ALOX5AP: variants seen among roughly 807,000 people sequenced by gnomAD.
The protein encoded by ALOX5AP is arachidonate 5-lipoxygenase-activating protein.
A neutral mutation model predicts 18.5 loss-of-function variants in ALOX5AP; 9 were observed. That is an observed-to-expected ratio of 0.49 (90% confidence interval 0.29 to 0.85). The LOEUF (loss-of-function observed/expected upper bound fraction) is 0.85. ALOX5AP is among the 40% of genes least tolerant of loss of function. The pLI is 0.08. For missense variants in ALOX5AP, 172 were observed against 202.5 expected, an observed-to-expected ratio of 0.85 and a Z score of 0.91; for synonymous variants, 81 against 78.6, an observed-to-expected ratio of 1.03 and a Z score of -0.16.
At chr13:30,713,489 G>T in exon 1 of ALOX5AP, 2 of 494,962 alleles carry the variant, frequency 4.0e-6, no homozygotes, top group Non-Finnish European at 3.6e-6. Context: ...CCTATTATCT[G>T]GGCATTTGGA....
chr13:30,761,998 A>G (rs1951945681), intron 4 of ALOX5AP, among the ~76,000 whole-genome samples: 1 of 152,202 alleles, frequency 6.6e-6, no homozygotes, highest in Non-Finnish European at 1.5e-5. Context: ...TTAAGGAGCT[A>G]GTTAGGATGT....
At chr13:30,720,417 C>CT in intron 1 of ALOX5AP, among the ~76,000 whole-genome samples, 1 of 152,282 alleles carries the variant, frequency 6.6e-6, no homozygotes, top group East Asian at 1.9e-4. Context: ...TTTAAATAGA[C>CT]TTAATACAAC....
At chr13:30,736,624 C>A (rs1345405066) in intron 1 of ALOX5AP, among the ~76,000 whole-genome samples, 2 of 152,162 alleles carry the variant, frequency 1.3e-5, no homozygotes, top group Non-Finnish European at 2.9e-5. Flanking sequence ...ATTCTATTTT[C>A]CCCCATCTTG....
chr13:30,753,826 T>C (rs982121462), intron 3 of ALOX5AP, among the ~76,000 whole-genome samples: 7 of 152,202 alleles, frequency 4.6e-5, no homozygotes, highest in Admixed American at 1.3e-4. Context: ...TCATGTTCAA[T>C]TGGGTTCCCA....
intron 2 of ALOX5AP, among the ~76,000 whole-genome samples, chr13:30,747,236 G>A (rs1951816461): frequency 6.6e-6 from 1 of 152,230 alleles, no homozygotes; most frequent in Admixed American, 6.5e-5. Context: ...GAGTGCAGTG[G>A]CACGATCTTG....
At chr13:30,758,016 C>T (rs1164904470) in intron 4 of ALOX5AP, among the ~76,000 whole-genome samples, 3 of 152,236 alleles carry the variant, frequency 2.0e-5, no homozygotes, top group South Asian at 2.1e-4. Flanking sequence ...CCCCTCTGGC[C>T]GTGGTAGGCA....
At chr13:30,754,613 G>A (rs993295472) in intron 3 of ALOX5AP, among the ~76,000 whole-genome samples, 7 of 152,210 alleles carry the variant, frequency 4.6e-5, no homozygotes, top group Non-Finnish European at 7.3e-5. Context: ...CATCTGAAGC[G>A]CAATAAATGT....
At chr13:30,729,472 A>G (rs1451279323) in intron 1 of ALOX5AP, among the ~76,000 whole-genome samples, 1 of 152,140 alleles carries the variant, frequency 6.6e-6, no homozygotes, top group East Asian at 1.9e-4. Context: ...TTAGAACTGA[A>G]TGTTCCCAAG....
intron 1 of ALOX5AP, 79 bp downstream of exon 1, chr13:30,735,754 A>T: frequency 6.5e-7 from 1 of 1,537,934 alleles, no homozygotes; most frequent in South Asian, 1.1e-5. Flanking sequence ...GGCTTAAACA[A>T]TTGTGTCTGT....
At chr13:30,734,300 C>T (rs995255374), upstream of ALOX5AP, among the ~76,000 whole-genome samples, 5 of 152,128 alleles carry the variant, frequency 3.3e-5, no homozygotes, top group East Asian at 1.9e-4. Flanking sequence ...TCAGCTGAAC[C>T]GAGGGCATTG....
chr13:30,754,100 G>A (rs1368727392), intron 3 of ALOX5AP, among the ~76,000 whole-genome samples: 6 of 152,214 alleles, frequency 3.9e-5, no homozygotes, highest in East Asian at 3.9e-4. Context: ...TTAGCTGGGC[G>A]TGGTGGTGCA....
intron 1 of ALOX5AP, among the ~76,000 whole-genome samples, chr13:30,716,383 T>A (rs1951550370): frequency 1.3e-5 from 2 of 152,192 alleles, no homozygotes; most frequent in South Asian, 4.1e-4. Flanking sequence ...TGATGTAAGA[T>A]CTTCTTACTC....
chr13:30,730,878 C>T (rs549837531), upstream of ALOX5AP, among the ~76,000 whole-genome samples: 2 of 152,298 alleles, frequency 1.3e-5, no homozygotes, highest in East Asian at 3.9e-4. Context: ...AAATGGTTGT[C>T]CTTCACAGTC....
intron 4 of ALOX5AP, among the ~76,000 whole-genome samples, chr13:30,761,869 A>T (rs1204869349): frequency 2.6e-5 from 4 of 152,050 alleles, no homozygotes; most frequent in African/African-American, 7.3e-5. Flanking sequence ...CTCTTTAAAC[A>T]CCCTGTCTCC....
chr13:30,746,597 C>A (rs1477102571), intron 2 of ALOX5AP, among the ~76,000 whole-genome samples: 1 of 152,204 alleles, frequency 6.6e-6, no homozygotes, highest in Non-Finnish European at 1.5e-5. Flanking sequence ...CAGGAAACCA[C>A]TGGGAATGGG....
chr13:30,752,287 G>C (rs1951859081), intron 3 of ALOX5AP, among the ~76,000 whole-genome samples, 165 bp downstream of exon 3: 1 of 152,210 alleles, frequency 6.6e-6, no homozygotes, highest in Non-Finnish European at 1.5e-5. Flanking sequence ...GGCATGCTCT[G>C]CACCCGTGCA....
At chr13:30,747,356 T>C (rs1951817440) in intron 2 of ALOX5AP, among the ~76,000 whole-genome samples, 1 of 152,182 alleles carries the variant, frequency 6.6e-6, no homozygotes, top group African/African-American at 2.4e-5. Flanking sequence ...TTTGTATTTT[T>C]AGTAGAGACG....
chr13:30,763,846 T>A lies in ALOX5AP; in HGVS notation c.324-98T>A. On this transcript the variant is annotated intron_variant, in intron 4 of 4. Coordinates refer to ENST00000380490, the MANE Select transcript of ALOX5AP (RefSeq NM_001629.4). Reference sequence around the variant, plus strand: ...CATTGTTGAGTCCAGGGAGCTATAATTTAAACCCCATATATCTAAAAGGGG... The same window carrying A: ...CATTGTTGAGTCCAGGGAGCTATAAATTAAACCCCATATATCTAAAAGGGG... The A allele has an allele frequency of 1.7e-6, 2 of 1,174,856 alleles. 1 individual carries two copies. The highest frequency in any genetic ancestry group is 4.4e-5 in the Admixed American group (2 of 45,418). 72.8% of individuals were successfully genotyped at this position (1,174,856 alleles called of 1,614,324 possible).
At chr13:30,730,071 A>G (rs1440746600) in intron 1 of ALOX5AP, among the ~76,000 whole-genome samples, 1 of 152,186 alleles carries the variant, frequency 6.6e-6, no homozygotes, top group Non-Finnish European at 1.5e-5. Context: ...TTTGTCTTCT[A>G]TTTGTTCGCT....
Sources: allele counts gnomAD v4.1 joint callset (sites outside exome capture counted in the v4.1 genomes callset), GRCh38; gene constraint gnomAD v4.1.1; transcripts MANE v1.5; gene names NCBI Gene and HGNC (gene_info 2026-07-23, HGNC 2026-07-21).